Variants in EP300 observed in about 807,000 individuals in gnomAD.
EP300 encodes the protein EP300 lysine acetyltransferase.
Under a neutral mutation model 264.0 loss-of-function variants are expected in EP300, and 31 were observed. The observed-to-expected ratio is 0.12, with a 90% CI of 0.09 to 0.16. EP300 has a LOEUF of 0.16. Among genes scored for constraint, EP300 ranks in the 10% least tolerant of loss-of-function variants. The pLI, the probability that EP300 is intolerant of heterozygous loss-of-function variation, is 1.00. For synonymous variants in EP300, 1,340 were observed against 1,045.4 expected (o/e 1.28, Z -5.44); for missense variants, 2,766 against 3,052.9 (o/e 0.91, Z 2.21).
intron 8 of EP300, among the ~76,000 whole-genome samples, chr22:41,139,611 T>G (rs2058970580): frequency 6.6e-6 from 1 of 152,164 alleles, no homozygotes. Flanking sequence ...TGCAAAACAT[T>G]TTGTTAGGGA....
rs561750424 is a variant in EP300 at position 41,146,245 on chromosome 22, A to G, written c.2054-494A>G. ...AGTCGTGTGATCTTGGCTCACTGCA[A>G]CCTCCGCCTTCCAGGTTCATGCGAT... On this transcript the variant is annotated intron_variant, in intron 10 of 30. Transcript: ENST00000263253. Among the ~76,000 whole-genome samples the G allele has an allele frequency of 9.3e-5, 14 of 150,838 alleles. No individual in the cohort carries two copies. The South Asian group carries it at 2.7e-3, about 30-fold the overall frequency.
chr22:41,105,485 G>A (rs889351920), intron 1 of EP300, among the ~76,000 whole-genome samples: 14 of 151,550 alleles, frequency 9.2e-5, no homozygotes, highest in Non-Finnish European at 2.9e-5. Context: ...TGCAGCCTCC[G>A]CCTCCCGGGT....
chr22:41,092,828 C>A lies in EP300; in HGVS notation c.-177C>A, dbSNP rs993610009. On this transcript the variant is annotated 5_prime_UTR_variant, in exon 1 of 31. Transcript: ENST00000263253. ...TTGCCCTTACCTTTTCTATCGAGTC[C>A]GCATCCCTCTCCAGCCACTGCGACC... is the stretch of plus-strand genomic sequence containing the variant. 1.4e-6 allele frequency: 1 copy of A among 730,912 alleles called. No individual in the cohort carries two copies. Among genetic ancestry groups the A allele is most frequent in the Non-Finnish European group, 2.5e-6 (1 of 407,488 alleles). 45.3% of individuals were successfully genotyped at this position (730,912 alleles called of 1,614,324 possible). A position where few individuals can be genotyped will look rare whatever the true frequency, so the allele number is the denominator to read the frequency against.
intron 1 of EP300, among the ~76,000 whole-genome samples, chr22:41,105,183 C>T (rs1161962525): frequency 4.4e-4 from 41 of 92,986 alleles, no homozygotes; most frequent in Admixed American, 1.0e-3. Context: ...GGTGACAGAG[C>T]GAGACTCCAT....
rs958298712 is a variant in EP300 at position 41,117,512 on chromosome 22, T to C, written c.420T>C (p.Thr140=). ...CTTCTCCCAACATGGGGATGGGCAC[T>C]AGTGGACCAAATCAGGGTCCTACGC... is the stretch of plus-strand genomic sequence containing the variant. ...GLTSPNMGMG[T]SGPNQGPTQS... Residue 140 remains threonine (T), a synonymous_variant, in exon 2 of 31, where the codon ACT becomes ACC. Coordinates refer to ENST00000263253, the MANE Select transcript of EP300 (RefSeq NM_001429.4). 2 of 1,613,980 alleles carry C rather than the reference T, an allele frequency of 1.2e-6. No individual in the cohort carries two copies. The highest frequency in any genetic ancestry group is 1.7e-6 in the Non-Finnish European group (2 of 1,179,816).
chr22:41,162,209 T>A (rs905887935), intron 20 of EP300, among the ~76,000 whole-genome samples: 2 of 152,162 alleles, frequency 1.3e-5, no homozygotes, highest in African/African-American at 4.8e-5. Context: ...GATGAATGAA[T>A]CTCTAGGCCA....
chr22:41,141,918 C>A (rs1019820119), intron 10 of EP300, among the ~76,000 whole-genome samples: 1 of 152,132 alleles, frequency 6.6e-6, no homozygotes, highest in African/African-American at 2.4e-5. Context: ...CTCAAATGAT[C>A]CGCCCACCTT....
chr22:41,143,892 T>C (rs936616349), intron 10 of EP300, among the ~76,000 whole-genome samples: 1 of 152,222 alleles, frequency 6.6e-6, no homozygotes, highest in Non-Finnish European at 1.5e-5. Context: ...TTTGATTTTT[T>C]TGTTTTAATA....
At chr22:41,108,244 C>CTTTTTTTTTTTTTTTT (rs1184276266) in intron 1 of EP300, 8 of 112,066 alleles carry the variant, frequency 7.1e-5, no homozygotes, top group Non-Finnish European at 9.4e-5. Flanking sequence ...TTTTCTTTTT[C>CTTTTTTTTTTTTTTTT]TTTTTTTTTT....
intron 1 of EP300, among the ~76,000 whole-genome samples, chr22:41,093,358 G>A (rs146487972): frequency 1.3e-5 from 2 of 152,164 alleles, no homozygotes; most frequent in African/African-American, 2.4e-5. Flanking sequence ...ATATAGAAAT[G>A]GCCTGTATTG....
At chr22:41,169,677 A>G in intron 26 of EP300, 61 bp downstream of exon 26, 1 of 967,408 alleles carries the variant, frequency 1.0e-6, no homozygotes. Context: ...GGTGAGATAT[A>G]GGTTAAATAT....
chr22:41,173,532 A>C, intron 28 of EP300, 91 bp from the exon 29 acceptor site: 1 of 1,284,370 alleles, frequency 7.8e-7, no homozygotes, highest in Non-Finnish European at 1.1e-6. Context: ...AGATTATGAT[A>C]TCTAGTTTCA....
chr22:41,176,737 T>C (rs1293872854), intron 30 of EP300, 36 bp from the exon 31 acceptor site: 1 of 1,613,504 alleles, frequency 6.2e-7, no homozygotes, highest in African/African-American at 1.3e-5. Flanking sequence ...ACTTAAATCT[T>C]GGAGAGTTTA....
intron 19 of EP300, 48 bp from the exon 20 acceptor site, chr22:41,160,594 G>A: frequency 6.3e-7 from 1 of 1,589,218 alleles, no homozygotes; most frequent in Non-Finnish European, 8.6e-7. Flanking sequence ...CTTGGGCTGT[G>A]TTGTGTGAAC....
chr22:41,152,804 C>T (rs576134914), intron 16 of EP300, among the ~76,000 whole-genome samples: 3 of 152,070 alleles, frequency 2.0e-5, no homozygotes, highest in Non-Finnish European at 4.4e-5. Context: ...GTTGTTCAGG[C>T]TGGAGTGCAG....
intron 16 of EP300, among the ~76,000 whole-genome samples, chr22:41,154,486 G>T (rs2059065594): frequency 6.8e-6 from 1 of 146,306 alleles, no homozygotes. Context: ...AGTTCAAGCA[G>T]TTCTCTTGCC....
chr22:41,125,112 C>CT (rs930135062), intron 2 of EP300, among the ~76,000 whole-genome samples: 6,366 of 80,398 alleles, frequency 0.079, 229 homozygotes, highest in African/African-American at 0.089. Context: ...CTTTTCTTTC[C>CT]TTTTTTTTTT....
intron 4 of EP300, among the ~76,000 whole-genome samples, 165 bp from the exon 5 acceptor site, chr22:41,129,725 C>T (rs1398021316): frequency 1.3e-5 from 2 of 152,088 alleles, no homozygotes; most frequent in Non-Finnish European, 1.5e-5. Context: ...TTTTGCCTTT[C>T]TTGACTGTGA....
Position 41,157,248 on chromosome 22 carries a change from C to T in EP300, c.3341C>T (p.Pro1114Leu). 1.9e-6 allele frequency: 3 copies of T among 1,614,118 alleles called. No individual in the cohort carries two copies. Among genetic ancestry groups the T allele is most frequent in the Non-Finnish European group, 2.5e-6 (3 of 1,180,024 alleles). ...RKLDTGQYQEPWQYVDDIWLM... is the reference protein window; with the variant it reads ...RKLDTGQYQELWQYVDDIWLM... The stretch of plus-strand genomic sequence containing the variant: ...TTAGACACTGGACAGTATCAGGAGC[C>T]CTGGCAGTATGTCGATGATATTTGG... The change falls in exon 18 of 31, where the codon CCC becomes CTC. Residue 1114 changes from proline (P) to leucine (L), a missense_variant. Transcript: ENST00000263253.
Sources: gnomAD v4.1 joint callset for allele counts (sites outside exome capture counted in the v4.1 genomes callset) on GRCh38, gnomAD v4.1.1 for gene constraint, MANE v1.5 for transcripts, NCBI Gene and HGNC (gene_info 2026-07-23, HGNC 2026-07-21) for gene names.